The following RANBP2 variants were observed in gnomAD, a reference collection of about 807,000 sequenced individuals.
RANBP2 encodes the protein RAN binding protein 2.
A neutral mutation model predicts 303.6 loss-of-function variants in RANBP2; 57 were observed. The observed-to-expected ratio is 0.19, with a 90% CI of 0.15 to 0.23. The LOEUF is 0.23. Ranked by LOEUF, RANBP2 falls within the 10% of genes least tolerant of loss-of-function variation. The pLI is 1.00. For missense variants in RANBP2, 3,138 were observed against 3,780.8 expected (o/e 0.83, Z 4.46); for synonymous variants, 1,167 against 1,301.5 (o/e 0.90, Z 2.23).
chr2:108,742,557 G>C (rs1258360583), intron 7 of RANBP2, among the ~76,000 whole-genome samples: 1 of 152,002 alleles, frequency 6.6e-6, no homozygotes, highest in Non-Finnish European at 1.5e-5. Flanking sequence ...ACCCGACTTG[G>C]CCTCTCAAAG....
the RANBP2 span, among the ~76,000 whole-genome samples, chr2:109,736,705 C>T: frequency 1.3e-5 from 2 of 152,078 alleles, no homozygotes; most frequent in African/African-American, 2.4e-5. Flanking sequence ...GTTTTATTGA[C>T]ACTGTCATTT....
chr2:109,129,782 G>C, the RANBP2 span: 1 of 1,539,334 alleles, frequency 6.5e-7, no homozygotes, highest in Non-Finnish European at 8.7e-7. Context: ...TGCCGCCGCT[G>C]CCTGGAGAGC....
the RANBP2 span, among the ~76,000 whole-genome samples, chr2:109,277,136 G>A: frequency 1.3e-5 from 2 of 152,158 alleles, no homozygotes; most frequent in Non-Finnish European, 2.9e-5. Context: ...AGGGGGCATG[G>A]GGTGGCAGGT....
At chr2:109,118,765 T>A in the RANBP2 span, among the ~76,000 whole-genome samples, 1 of 152,074 alleles carries the variant, frequency 6.6e-6, no homozygotes, top group African/African-American at 2.4e-5. Context: ...TCATTCCCAG[T>A]TGCTTAGAGA....
In RANBP2 at chr2:108,783,882, C is replaced by T; in HGVS notation, c.9656C>T (p.Thr3219Ile). 6.2e-7 allele frequency: 1 copy of T among 1,611,648 alleles called. No homozygotes were observed. The highest frequency in any genetic ancestry group is 8.5e-7 in the Non-Finnish European group (1 of 1,177,854). Residue 3219 changes from threonine (T) to isoleucine (I), a missense_variant, in exon 29 of 29, where the codon ACA becomes ATA. Thr to Ile is a moderately conservative substitution (Grantham distance 89, BLOSUM62 -1). Transcript: ENST00000283195. ...KGSVCRRITITECGQI is the reference protein window; with the variant it reads ...KGSVCRRITIIECGQI ...TCTGTTTGTCGAAGAATAACTATCACAGAATGTGGACAGATATAAAATCAT... is the reference window on the plus strand; with the variant it reads ...TCTGTTTGTCGAAGAATAACTATCATAGAATGTGGACAGATATAAAATCAT...
At position 108,772,572 on chromosome 2, in the gene RANBP2, A is replaced by G. The variant is rs751590768; in HGVS notation, c.8104A>G (p.Asn2702Asp). The change falls in exon 22 of 29, where the codon AAT becomes GAT. Residue 2702 changes from asparagine to aspartate, a missense_variant. Asn to Asp is a conservative substitution (Grantham distance 23). Coordinates refer to ENST00000283195, the MANE Select transcript of RANBP2 (RefSeq NM_006267.5). ...AGAAAAATGTAGACCCTTGGAAGAAAATACAGCAGGTATGTTAAGTGTAAA... is the reference window on the plus strand; with the variant it reads ...AGAAAAATGTAGACCCTTGGAAGAAGATACAGCAGGTATGTTAAGTGTAAA... ...GSEKCRPLEE[N>D]TADNEKECII... 6 of 1,613,532 alleles carry G rather than the reference A, an allele frequency of 3.7e-6. No individual in the cohort carries two copies. Among genetic ancestry groups the G allele is most frequent in the African/African-American group, 1.3e-5 (1 of 75,050 alleles).
the RANBP2 span, among the ~76,000 whole-genome samples, chr2:109,302,257 T>C: frequency 3.1e-4 from 45 of 143,730 alleles, no homozygotes; most frequent in African/African-American, 1.0e-3. Flanking sequence ...CAGTTTGACA[T>C]ACCTGAATCC....
chr2:109,678,555 T>G, the RANBP2 span, among the ~76,000 whole-genome samples: 4 of 152,360 alleles, frequency 2.6e-5, no homozygotes, highest in East Asian at 7.7e-4. Flanking sequence ...ACATTTGGAT[T>G]CATTGCCCAT....
the RANBP2 span, among the ~76,000 whole-genome samples, chr2:109,470,947 C>T: frequency 4.3e-3 from 657 of 152,210 alleles, 3 homozygotes; most frequent in South Asian, 5.2e-3. Flanking sequence ...AGGCTGGGTG[C>T]GGTGGCTCAC....
At chr2:109,650,431 G>A in the RANBP2 span, among the ~76,000 whole-genome samples, 1 of 152,192 alleles carries the variant, frequency 6.6e-6, no homozygotes, top group Admixed American at 6.5e-5. Flanking sequence ...GCCTGCCCGG[G>A]CAGAGCTGAA....
the RANBP2 span, among the ~76,000 whole-genome samples, chr2:109,538,804 C>A: frequency 6.6e-6 from 1 of 152,350 alleles, no homozygotes; most frequent in Admixed American, 6.5e-5. Context: ...CAGGCATGAG[C>A]CGCCACAGCT....
chr2:108,869,966 C>A, the RANBP2 span, among the ~76,000 whole-genome samples: 2 of 152,116 alleles, frequency 1.3e-5, no homozygotes, highest in Admixed American at 1.3e-4. Context: ...TAAAGACACA[C>A]AAATTAATTG....
At position 108,740,590 on chromosome 2, in the gene RANBP2, C is replaced by T; in HGVS notation, c.884C>T (p.Ser295Phe). Residue 295 changes from serine to phenylalanine, a missense_variant, in exon 7 of 29, where the codon TCT becomes TTT. Physicochemically the swap from Ser to Phe is radical, Grantham distance 155. Coordinates refer to ENST00000283195, the MANE Select transcript of RANBP2 (RefSeq NM_006267.5). Reference sequence around the variant, plus strand: ...GGACATTTCTACATGCATGCTGGTTCTCTGCTTTTGAAGATGGGTCAGCAT... The same window carrying T: ...GGACATTTCTACATGCATGCTGGTTTTCTGCTTTTGAAGATGGGTCAGCAT... Reference protein sequence around the residue: ...MKGHFYMHAGSLLLKMGQHSS... With the variant: ...MKGHFYMHAGFLLLKMGQHSS... The T allele has an allele frequency of 6.3e-7, 1 of 1,597,530 alleles. No individual in the cohort carries two copies. Among genetic ancestry groups the T allele is most frequent in the South Asian group, 1.1e-5 (1 of 90,984 alleles).
chr2:109,314,165 T>C, the RANBP2 span, among the ~76,000 whole-genome samples: 1 of 152,072 alleles, frequency 6.6e-6, no homozygotes, highest in Non-Finnish European at 1.5e-5. Context: ...TCGTGGTCTG[T>C]GTCCCGGGAG....
At chr2:109,129,346 GGCCGGTCCCCGCCACGCA>G in the RANBP2 span, 1 of 628,010 alleles carries the variant, frequency 1.6e-6, no homozygotes, top group Non-Finnish European at 2.4e-6. Flanking sequence ...CCGCCACGCA[GGCCGGTCCCCGCCACGCA>G]GGCCGGTCGG....
At chr2:109,097,218 C>T in the RANBP2 span, among the ~76,000 whole-genome samples, 1 of 152,082 alleles carries the variant, frequency 6.6e-6, no homozygotes, top group African/African-American at 2.4e-5. Flanking sequence ...GCAGGAGAAT[C>T]GCTTGAACCC....
chr2:109,571,758 G>C, the RANBP2 span, among the ~76,000 whole-genome samples: 21 of 152,178 alleles, frequency 1.4e-4, no homozygotes, highest in African/African-American at 5.1e-4. Flanking sequence ...GAAGCATCTA[G>C]AACTAGTTGT....
the RANBP2 span, among the ~76,000 whole-genome samples, chr2:109,087,479 G>C: frequency 6.6e-6 from 1 of 152,102 alleles, no homozygotes; most frequent in Non-Finnish European, 1.5e-5. Flanking sequence ...TCTGAGCGCA[G>C]GGCTCTCTCC....
the RANBP2 span, among the ~76,000 whole-genome samples, chr2:108,927,036 G>A: frequency 6.6e-6 from 1 of 152,228 alleles, no homozygotes; most frequent in Non-Finnish European, 1.5e-5. Context: ...GGGATTCGGA[G>A]GTGAGGCGGG....
Sources: allele counts gnomAD v4.1 joint callset (sites outside exome capture counted in the v4.1 genomes callset), GRCh38; gene constraint gnomAD v4.1.1; transcripts MANE v1.5; gene names NCBI Gene and HGNC (gene_info 2026-07-23, HGNC 2026-07-21).